The following PDZD2 variants were observed in gnomAD, a reference collection of about 807,000 sequenced individuals.
PDZD2 encodes the protein PDZ domain-containing protein 2.
In PDZD2, 90 loss-of-function variants were observed where a neutral mutation model predicts 220.7. That is an observed-to-expected ratio of 0.41 (90% confidence interval 0.34 to 0.49). The LOEUF (loss-of-function observed/expected upper bound fraction) is 0.49, where lower values mean the gene tolerates loss of function less well. Ranked by LOEUF, PDZD2 falls within the 20% of genes least tolerant of loss-of-function variation. PDZD2 has a pLI of 0.28. For missense variants in PDZD2, 3,174 were observed against 3,608.5 expected, an observed-to-expected ratio of 0.88 and a Z score of 3.08; for synonymous variants, 1,375 against 1,450.5, an observed-to-expected ratio of 0.95 and a Z score of 1.18.
chr5:31,917,517 G>T (rs1267760640), intron 2 of PDZD2, among the ~76,000 whole-genome samples: 1 of 152,164 alleles, frequency 6.6e-6, no homozygotes, highest in Non-Finnish European at 1.5e-5. Flanking sequence ...GACAGAGTGA[G>T]ACCCTTTCTC....
chr5:31,887,903 A>G (rs970955142), intron 2 of PDZD2, among the ~76,000 whole-genome samples: 2 of 152,100 alleles, frequency 1.3e-5, no homozygotes, highest in African/African-American at 2.4e-5. Context: ...TAGCTTTGAA[A>G]GGCTGCTTAG....
At chr5:31,685,550 G>A (rs934732657) in intron 1 of PDZD2, among the ~76,000 whole-genome samples, 18 of 152,206 alleles carry the variant, frequency 1.2e-4, no homozygotes, top group Non-Finnish European at 7.4e-5. Context: ...TTGAGACAGG[G>A]TCTTACTCTG....
At chr5:31,716,963 G>C (rs571031215) in intron 1 of PDZD2, among the ~76,000 whole-genome samples, 19 of 152,218 alleles carry the variant, frequency 1.2e-4, no homozygotes, top group African/African-American at 4.6e-4. Flanking sequence ...GGCGGTGAGA[G>C]GGGATAGGAA....
intron 1 of PDZD2, among the ~76,000 whole-genome samples, chr5:31,692,533 G>C (rs1379412058): frequency 3.3e-5 from 5 of 152,252 alleles, no homozygotes; most frequent in African/African-American, 1.2e-4. Context: ...CTCTCAGCCT[G>C]ACTCATTTTC....
At chr5:32,012,516 T>C (rs1323047379) in intron 6 of PDZD2, among the ~76,000 whole-genome samples, 1 of 152,086 alleles carries the variant, frequency 6.6e-6, no homozygotes, top group Non-Finnish European at 1.5e-5. Context: ...CCCGAGTAGC[T>C]GGGACTACAG....
At chr5:31,725,320 G>A (rs542496103) in intron 1 of PDZD2, among the ~76,000 whole-genome samples, 8 of 130,500 alleles carry the variant, frequency 6.1e-5, no homozygotes, top group East Asian at 2.4e-4. Flanking sequence ...CCTGGGGGAC[G>A]AGAGCAAAAC....
chr5:31,887,368 T>TG (rs1163498122), intron 2 of PDZD2, among the ~76,000 whole-genome samples: 9 of 152,332 alleles, frequency 5.9e-5, no homozygotes, highest in African/African-American at 2.2e-4. Flanking sequence ...TTTGGTGTCC[T>TG]GGGTCACCCT....
At chr5:32,094,669 C>T (rs1302919733) in intron 21 of PDZD2, among the ~76,000 whole-genome samples, 4 of 146,084 alleles carry the variant, frequency 2.7e-5, no homozygotes, top group Non-Finnish European at 4.5e-5. Context: ...AGACCAGCCT[C>T]ATCAACATAG....
chr5:32,046,895 T>C (rs889467555), intron 7 of PDZD2, among the ~76,000 whole-genome samples: 2 of 151,908 alleles, frequency 1.3e-5, no homozygotes, highest in East Asian at 1.9e-4. Context: ...ATAAAAAAAT[T>C]AGCTGGGCGT....
chr5:31,997,146 G>A (rs553514741), intron 4 of PDZD2, among the ~76,000 whole-genome samples: 18 of 152,252 alleles, frequency 1.2e-4, no homozygotes, highest in East Asian at 3.9e-4. Flanking sequence ...GGAGAGTTTC[G>A]TTGATAAGCG....
At chr5:31,873,611 G>T (rs1278981062) in intron 2 of PDZD2, among the ~76,000 whole-genome samples, 1 of 151,700 alleles carries the variant, frequency 6.6e-6, no homozygotes, top group African/African-American at 2.4e-5. Context: ...ATGTTGCCCA[G>T]GCTGGTTTCA....
At chr5:32,068,530 TATCTC>T (rs916532779) in intron 14 of PDZD2, among the ~76,000 whole-genome samples, 79 of 152,346 alleles carry the variant, frequency 5.2e-4, no homozygotes, top group African/African-American at 1.8e-3. Flanking sequence ...GTTAAGTTCT[TATCTC>T]ATCACAGGCT....
intron 2 of PDZD2, among the ~76,000 whole-genome samples, chr5:31,930,445 CGCCTCG>C (rs1415397249): frequency 6.6e-6 from 1 of 151,902 alleles, no homozygotes; most frequent in Non-Finnish European, 1.5e-5. Flanking sequence ...GTGATCCGCC[CGCCTCG>C]GCCTCCCAAA....
At chr5:32,066,281 G>C (rs1375562732) in intron 14 of PDZD2, among the ~76,000 whole-genome samples, 1 of 152,094 alleles carries the variant, frequency 6.6e-6, no homozygotes, top group Non-Finnish European at 1.5e-5. Context: ...GGAGGTAGAG[G>C]TTGCAGTAAG....
intron 16 of PDZD2, 92 bp from the exon 17 acceptor site, chr5:32,072,069 C>T (rs917102179): frequency 1.1e-5 from 10 of 878,482 alleles, no homozygotes; most frequent in East Asian, 2.5e-5. Flanking sequence ...TTGATTAGAA[C>T]GAAGTGTTCT....
intron 2 of PDZD2, among the ~76,000 whole-genome samples, chr5:31,900,062 C>T (rs559553383): frequency 3.3e-5 from 5 of 152,282 alleles, no homozygotes; most frequent in East Asian, 1.9e-4. Flanking sequence ...CATATAGAGG[C>T]GCTGACATAA....
chr5:31,655,466 C>T (rs1275734284), intron 1 of PDZD2, among the ~76,000 whole-genome samples: 6 of 152,126 alleles, frequency 3.9e-5, no homozygotes, highest in African/African-American at 1.2e-4. Flanking sequence ...CCACTGCGCC[C>T]GGCCTAGTTT....
chr5:31,929,917 C>T lies in PDZD2; in HGVS notation c.477-53238C>T, dbSNP rs1050017496. ...GACTGGATCATGGGGGAGGATCCCC[C>T]GTGAATGGCTGAGCTCCAACCCTTT... On this transcript the variant is annotated intron_variant, in intron 2 of 24. Transcript: ENST00000438447. Among the ~76,000 whole-genome samples the T allele has an allele frequency of 2.6e-5, 4 of 152,118 alleles. No individual in the cohort carries two copies. The South Asian group carries it at 6.2e-4, about 24-fold the overall frequency.
At chr5:31,738,611 T>C (rs1395171431) in intron 1 of PDZD2, 2 of 152,234 alleles carry the variant, frequency 1.3e-5, no homozygotes, top group African/African-American at 4.8e-5. Flanking sequence ...ATCCGTTTCA[T>C]GGGACTTCAC....
Sources: gnomAD v4.1 joint callset for allele counts (sites outside exome capture counted in the v4.1 genomes callset) on GRCh38, gnomAD v4.1.1 for gene constraint, MANE v1.5 for transcripts, NCBI Gene and HGNC (gene_info 2026-07-23, HGNC 2026-07-21) for gene names.